The following LRFN2 variants were observed in gnomAD, a reference collection of about 807,000 sequenced individuals.
LRFN2 encodes leucine rich repeat and fibronectin type III domain containing 2.
A neutral mutation model predicts 37.3 loss-of-function variants in LRFN2; 18 were observed. The observed-to-expected ratio is 0.48, with a 90% CI of 0.33 to 0.72. LRFN2 has a LOEUF of 0.72. Among genes scored for constraint, LRFN2 ranks in the 30% least tolerant of loss-of-function variants. The pLI is 0.02. For synonymous variants in LRFN2, 556 were observed against 466.6 expected (o/e 1.19, Z -2.47); for missense variants, 1,006 against 1,060.7 (o/e 0.95, Z 0.72).
chr6:40,564,742 T>A (rs1268832532), intron 1 of LRFN2, among the ~76,000 whole-genome samples: 1 of 152,178 alleles, frequency 6.6e-6, no homozygotes, highest in African/African-American at 2.4e-5. Context: ...AATCCTTCAG[T>A]GCCTCTCCAT....
At chr6:40,568,743 C>T (rs2473584) in intron 1 of LRFN2, among the ~76,000 whole-genome samples, 76,021 of 138,526 alleles carry the variant, frequency 0.55, 19,701 homozygotes, top group Middle Eastern at 0.63. Context: ...TTTTTTGAGA[C>T]GGAGTTTCGC....
At chr6:40,545,986 TA>T (rs1181891293) in intron 1 of LRFN2, among the ~76,000 whole-genome samples, 2 of 152,174 alleles carry the variant, frequency 1.3e-5, no homozygotes, top group Non-Finnish European at 2.9e-5. Flanking sequence ...TGAATGATAA[TA>T]TTTTAGCGCT....
intron 1 of LRFN2, among the ~76,000 whole-genome samples, chr6:40,448,034 A>T (rs935659463): frequency 6.6e-6 from 1 of 152,230 alleles, no homozygotes; most frequent in African/African-American, 2.4e-5. Flanking sequence ...AGGGAGGCCC[A>T]GCCTTTAGGT....
At chr6:40,517,810 T>G (rs1017987252) in intron 1 of LRFN2, among the ~76,000 whole-genome samples, 2 of 152,138 alleles carry the variant, frequency 1.3e-5, no homozygotes, top group Non-Finnish European at 2.9e-5. Flanking sequence ...GGAGAGAGTT[T>G]ATGGGATTAA....
chr6:40,493,032 A>C (rs777868619), intron 1 of LRFN2, among the ~76,000 whole-genome samples: 1 of 152,050 alleles, frequency 6.6e-6, no homozygotes, highest in African/African-American at 2.4e-5. Flanking sequence ...ACAGGAGCTC[A>C]TTTGGACAGG....
chr6:40,485,175 G>T (rs1476674350), intron 1 of LRFN2, among the ~76,000 whole-genome samples: 3 of 152,198 alleles, frequency 2.0e-5, no homozygotes, highest in Non-Finnish European at 2.9e-5. Flanking sequence ...AGCCAAGTGG[G>T]TCTGTGCACA....
In LRFN2 at chr6:40,396,293, T is replaced by G. The variant is rs534443584; in HGVS notation, c.1401-3381A>C. On this transcript the variant is annotated intron_variant, in intron 2 of 2. Coordinates refer to ENST00000338305, the MANE Select transcript of LRFN2 (RefSeq NM_020737.3). Reference sequence around the variant, plus strand: ...GGCCCAGCTAGTAAGTTGGCAGAGCTGGGATTTAAATCAGGCAGTTTGGCT... The same window carrying G: ...GGCCCAGCTAGTAAGTTGGCAGAGCGGGGATTTAAATCAGGCAGTTTGGCT... Among the ~76,000 whole-genome samples, 567 of 152,282 alleles carry G rather than the reference T, an allele frequency of 3.7e-3. 3 individuals are homozygous for G. The highest frequency in any genetic ancestry group is 5.8e-3 in the Non-Finnish European group (397 of 68,026).
chr6:40,532,898 C>T (rs1307711673), intron 1 of LRFN2, among the ~76,000 whole-genome samples: 1 of 152,218 alleles, frequency 6.6e-6, no homozygotes, highest in African/African-American at 2.4e-5. Flanking sequence ...ATGAAGGCCT[C>T]CAGCCTTCAG....
chr6:40,400,782 G>A (rs1561839377), intron 2 of LRFN2, among the ~76,000 whole-genome samples: 2 of 151,650 alleles, frequency 1.3e-5, no homozygotes, highest in South Asian at 2.1e-4. Flanking sequence ...ACCTTTCATG[G>A]ATGTGCATAT....
At chr6:40,519,073 G>T (rs1581771757) in intron 1 of LRFN2, among the ~76,000 whole-genome samples, 1 of 152,130 alleles carries the variant, frequency 6.6e-6, no homozygotes, top group Non-Finnish European at 1.5e-5. Flanking sequence ...CTTCTGCAGG[G>T]GTCAGGGAAA....
chr6:40,453,554 A>ACACT (rs537437565), intron 1 of LRFN2, among the ~76,000 whole-genome samples: 1 of 128,328 alleles, frequency 7.8e-6, no homozygotes, highest in Non-Finnish European at 1.7e-5. Flanking sequence ...ACACACACAC[A>ACACT]CCTCCCTTTG....
chr6:40,515,964 C>G (rs1415159444), intron 1 of LRFN2, among the ~76,000 whole-genome samples: 2 of 151,590 alleles, frequency 1.3e-5, no homozygotes, highest in Admixed American at 1.3e-4. Flanking sequence ...CCCCTGCTCA[C>G]TCACTCCTCA....
At chr6:40,474,414 C>T (rs1335523869) in intron 1 of LRFN2, among the ~76,000 whole-genome samples, 1 of 152,120 alleles carries the variant, frequency 6.6e-6, no homozygotes, top group African/African-American at 2.4e-5. Context: ...GTGCCTGTCT[C>T]TTCTCCTTTT....
At chr6:40,477,135 G>A (rs79295024) in intron 1 of LRFN2, among the ~76,000 whole-genome samples, 4,336 of 152,290 alleles carry the variant, frequency 0.028, 113 homozygotes, top group East Asian at 0.098. Context: ...AATTACATCG[G>A]GATTTCTGGG....
intron 2 of LRFN2, among the ~76,000 whole-genome samples, chr6:40,430,209 C>A (rs911701021): frequency 6.6e-6 from 1 of 152,154 alleles, no homozygotes; most frequent in African/African-American, 2.4e-5. Flanking sequence ...CAGACCAGGC[C>A]AGCAGCTGCC....
intron 1 of LRFN2, among the ~76,000 whole-genome samples, chr6:40,531,081 G>A (rs1014112093): frequency 6.6e-6 from 1 of 152,212 alleles, no homozygotes; most frequent in Non-Finnish European, 1.5e-5. Context: ...CCAGCACTCA[G>A]ATAGAGAAAC....
intron 1 of LRFN2, among the ~76,000 whole-genome samples, chr6:40,513,302 T>C (rs966423674): frequency 6.6e-6 from 1 of 152,080 alleles, no homozygotes; most frequent in African/African-American, 2.4e-5. Context: ...GGTGAGATCT[T>C]GGCTCACTAC....
At position 40,526,654 on chromosome 6, in the gene LRFN2, C is replaced by A. The variant is rs986886547; in HGVS notation, c.-19+60287G>T. Among the ~76,000 whole-genome samples, 4 of 152,204 alleles carry A rather than the reference C, an allele frequency of 2.6e-5. No homozygotes were observed. The East Asian group carries it at 5.8e-4, about 22-fold the overall frequency. On this transcript the variant is annotated intron_variant, in intron 1 of 2. Transcript: ENST00000338305. ...CCCAAGAGCTCAGCAATGTGCCCAG[C>A]ACTCTGCAGACCTGTGTGGCCAGTG...
intron 1 of LRFN2, among the ~76,000 whole-genome samples, chr6:40,562,820 T>C (rs189114509): frequency 1.9e-3 from 274 of 146,216 alleles, no homozygotes; most frequent in African/African-American, 6.8e-3. Flanking sequence ...AGCGTGCTTA[T>C]GTGCGTGCAC....
Sources: gnomAD v4.1 joint callset for allele counts (sites outside exome capture counted in the v4.1 genomes callset) on GRCh38, gnomAD v4.1.1 for gene constraint, MANE v1.5 for transcripts, NCBI Gene and HGNC (gene_info 2026-07-23, HGNC 2026-07-21) for gene names.